RBFOX1: variants seen among roughly 807,000 people sequenced by gnomAD.
The protein encoded by RBFOX1 is RNA binding protein fox-1 homolog 1.
RBFOX1 carries 8 observed loss-of-function variants against 57.7 expected under a neutral mutation model. The ratio of observed to expected loss-of-function variants is 0.14; its 90% CI spans 0.08 to 0.25. RBFOX1 has a LOEUF of 0.25. Ranked by LOEUF, RBFOX1 falls within the 10% of genes least tolerant of loss-of-function variation. The pLI, the probability that RBFOX1 is intolerant of heterozygous loss-of-function variation, is 1.00. For missense variants in RBFOX1, 611 were observed against 548.5 expected, an observed-to-expected ratio of 1.11 and a Z score of -1.14; for synonymous variants, 326 against 222.4, an observed-to-expected ratio of 1.47 and a Z score of -4.15.
chr16:7,074,326 A>C (rs1398603711), intron 4 of RBFOX1, among the ~76,000 whole-genome samples: 2 of 152,226 alleles, frequency 1.3e-5, no homozygotes, highest in Non-Finnish European at 2.9e-5. Context: ...AACCAAACTG[A>C]GATTCTGTTA....
At chr16:6,357,633 C>G (rs2087609386) in intron 2 of RBFOX1, among the ~76,000 whole-genome samples, 1 of 151,962 alleles carries the variant, frequency 6.6e-6, no homozygotes. Flanking sequence ...CTCTGTCTTG[C>G]TTCCTGCTTT....
intron 4 of RBFOX1, among the ~76,000 whole-genome samples, chr16:7,388,696 C>G (rs1053047445): frequency 7.9e-5 from 4 of 50,694 alleles, no homozygotes; most frequent in Non-Finnish European, 1.5e-4. Context: ...TGAAACCTTT[C>G]TGTTTTTTCA....
intron 14 of RBFOX1, 46 bp from the exon 15 acceptor site, chr16:7,709,010 G>T (rs777067710): frequency 5.2e-6 from 8 of 1,531,422 alleles, no homozygotes; most frequent in African/African-American, 1.4e-5. Context: ...TTATTGTTTT[G>T]TAATTGCATA....
intron 3 of RBFOX1, among the ~76,000 whole-genome samples, chr16:5,837,134 C>T (rs1036212481): frequency 5.9e-5 from 9 of 152,176 alleles, no homozygotes; most frequent in South Asian, 2.1e-4. Flanking sequence ...TCTCCTGCTT[C>T]GCTCAAATCC....
upstream of RBFOX1, among the ~76,000 whole-genome samples, chr16:6,015,588 A>T (rs1357100936): frequency 6.6e-6 from 1 of 152,094 alleles, no homozygotes; most frequent in East Asian, 1.9e-4. Context: ...CAGCCCCTTA[A>T]CTTCAACAGG....
At chr16:7,563,471 T>G (rs1168194288) in intron 5 of RBFOX1, among the ~76,000 whole-genome samples, 1 of 152,202 alleles carries the variant, frequency 6.6e-6, no homozygotes, top group Non-Finnish European at 1.5e-5. Flanking sequence ...TACATGTTTT[T>G]TTCTTTTCTT....
intron 4 of RBFOX1, among the ~76,000 whole-genome samples, chr16:7,187,474 G>A (rs978146569): frequency 1.3e-5 from 2 of 151,476 alleles, no homozygotes; most frequent in African/African-American, 4.9e-5. Context: ...CTAATCACGA[G>A]ATCAGGAGAT....
At chr16:5,482,073 A>C (rs1236758202) in intron 2 of RBFOX1, among the ~76,000 whole-genome samples, 2 of 152,190 alleles carry the variant, frequency 1.3e-5, no homozygotes, top group African/African-American at 4.8e-5. Context: ...ACCCTGTCCA[A>C]GTAAGGATCC....
At chr16:6,857,226 C>G (rs911830612) in intron 3 of RBFOX1, among the ~76,000 whole-genome samples, 1 of 152,132 alleles carries the variant, frequency 6.6e-6, no homozygotes, top group African/African-American at 2.4e-5. Flanking sequence ...ATATATAAAT[C>G]ATATTACACA....
intron 3 of RBFOX1, among the ~76,000 whole-genome samples, chr16:6,743,263 GA>G (rs1353962008): frequency 2.0e-5 from 3 of 152,062 alleles, no homozygotes; most frequent in Non-Finnish European, 4.4e-5. Context: ...CAAAAAAGAG[GA>G]AAAGGGAAAG....
intron 2 of RBFOX1, among the ~76,000 whole-genome samples, chr16:6,556,116 C>G (rs1333297275): frequency 1.3e-5 from 2 of 152,156 alleles, no homozygotes; most frequent in African/African-American, 4.8e-5. Flanking sequence ...GAACTCAGGA[C>G]ATTTAATTTA....
chr16:7,244,218 G>A (rs12598557), intron 4 of RBFOX1, among the ~76,000 whole-genome samples: 95,168 of 142,576 alleles, frequency 0.67, 33,432 homozygotes, highest in African/African-American at 0.92. Flanking sequence ...CTTCTTCAGA[G>A]TCTGTTCTAG....
Position 6,213,478 on chromosome 16 carries a change from G to A in RBFOX1, c.-126-103517G>A, listed in dbSNP as rs531102644. 3.9e-5 allele frequency among the ~76,000 whole-genome samples: 6 copies of A among 152,258 alleles called. No individual in the cohort carries two copies. The East Asian group carries it at 1.2e-3, about 29-fold the overall frequency. On this transcript the variant is annotated intron_variant, in intron 1 of 15. Transcript: ENST00000550418. ...CTGCCTCAGCTGCATTTGAACTACT[G>A]CCTGAGAGTCTCTGGCTGCCTTGAC...
chr16:7,591,605 C>G (rs781722978), intron 7 of RBFOX1, among the ~76,000 whole-genome samples: 5 of 152,158 alleles, frequency 3.3e-5, no homozygotes, highest in Non-Finnish European at 7.3e-5. Flanking sequence ...CTGCTCATGA[C>G]AGGGCACAGG....
At chr16:6,340,362 G>A (rs147550466) in intron 2 of RBFOX1, among the ~76,000 whole-genome samples, 181 of 152,212 alleles carry the variant, frequency 1.2e-3, no homozygotes, top group African/African-American at 4.0e-3. Context: ...CAGGGTTCTT[G>A]GATCTCAAGC....
At chr16:7,458,206 C>G (rs180884677) in intron 4 of RBFOX1, among the ~76,000 whole-genome samples, 54 of 152,262 alleles carry the variant, frequency 3.5e-4, no homozygotes, top group Middle Eastern at 3.4e-3. Context: ...AGACAGGGAC[C>G]TTGTCTCTCT....
chr16:5,596,035 A>C (rs2047169463), intron 2 of RBFOX1, among the ~76,000 whole-genome samples: 1 of 152,148 alleles, frequency 6.6e-6, no homozygotes, highest in Non-Finnish European at 1.5e-5. Context: ...AGTGCGGCAC[A>C]ATGAGAGATA....
At chr16:7,396,254 A>G (rs2098137470) in intron 4 of RBFOX1, among the ~76,000 whole-genome samples, 1 of 152,156 alleles carries the variant, frequency 6.6e-6, no homozygotes. Context: ...ACCTGTCTAC[A>G]CCGGCTGCTC....
At chr16:5,661,412 A>G (rs921703092) in intron 3 of RBFOX1, among the ~76,000 whole-genome samples, 4 of 152,228 alleles carry the variant, frequency 2.6e-5, no homozygotes, top group Non-Finnish European at 4.4e-5. Flanking sequence ...TATCCACTGT[A>G]GAAACCTTAG....
Sources: gnomAD v4.1 joint callset for allele counts (sites outside exome capture counted in the v4.1 genomes callset) on GRCh38, gnomAD v4.1.1 for gene constraint, MANE v1.5 for transcripts, NCBI Gene and HGNC (gene_info 2026-07-23, HGNC 2026-07-21) for gene names.